Variants in MSI2 observed in about 807,000 individuals in gnomAD.
The protein encoded by MSI2 is musashi RNA binding protein 2.
Under a neutral mutation model 45.6 loss-of-function variants are expected in MSI2, and 17 were observed. That is an observed-to-expected ratio of 0.37 (90% CI 0.26 to 0.56). The LOEUF (loss-of-function observed/expected upper bound fraction) is 0.56. MSI2 is among the 20% of genes least tolerant of loss of function. The pLI is 0.77. For synonymous variants in MSI2, 156 were observed against 158.2 expected, an observed-to-expected ratio of 0.99 and a Z score of 0.11; for missense variants, 293 against 444.2, an observed-to-expected ratio of 0.66 and a Z score of 3.06.
rs905841240 is a variant in MSI2, at chr17:57,596,465, C to G, written c.455-403C>G. ...AACCACCTCCGTCTGGAGGCCGACC[C>G]GAGGGCTGGCCAGGGCTGCTCGCGG... is the stretch of plus-strand genomic sequence containing the variant. On this transcript the variant is annotated intron_variant, in intron 7 of 13. Coordinates refer to ENST00000284073, the MANE Select transcript of MSI2 (RefSeq NM_138962.4). This position sits in a 1 kb window ranked among gnomAD's most constrained non-coding sequence, Gnocchi z 4.6. Among the ~76,000 whole-genome samples, 1 of 152,202 alleles carries G rather than the reference C, an allele frequency of 6.6e-6. No individual in the cohort carries two copies.
rs1908365183 is a variant in MSI2, at chr17:57,271,486, T to C, written c.312+9294T>C. Among the ~76,000 whole-genome samples, 4 of 152,268 alleles carry C rather than the reference T, an allele frequency of 2.6e-5. No homozygotes were observed. The South Asian group carries it at 8.3e-4, about 32-fold the overall frequency. On this transcript the variant is annotated intron_variant, in intron 5 of 13. Transcript: ENST00000284073. ...CAATTATGTGACAATTTCAAGGGTT[T>C]AGAAAAATCTAATAAAATGGTCTTG...
intron 7 of MSI2, among the ~76,000 whole-genome samples, chr17:57,579,573 C>G (rs756716979): frequency 1.1e-4 from 16 of 152,238 alleles, no homozygotes; most frequent in Non-Finnish European, 2.4e-4. Context: ...CTCCAGCCCT[C>G]TTTGTCCCCA....
rs1004971752 is a variant in MSI2, at chr17:57,681,110, A to G, written c.*1593A>G. 5.4e-5 allele frequency: 10 copies of G among 186,742 alleles called. No homozygotes were observed. Among genetic ancestry groups the G allele is most frequent in the African/African-American group, 2.3e-4 (10 of 42,728 alleles). The allele number at this position is 186,742 out of a possible 1,614,324, so 11.6% of individuals were successfully genotyped here. On this transcript the variant is annotated 3_prime_UTR_variant, in exon 14 of 14. Transcript: ENST00000284073. ...AAACAGAATTTTAAAAATAAAAAGT[A>G]TAAACATCACTGCACTGTGACTGGT...
chr17:57,393,744 C>T (rs758977450), intron 5 of MSI2, among the ~76,000 whole-genome samples: 4 of 152,152 alleles, frequency 2.6e-5, no homozygotes, highest in Admixed American at 1.3e-4. Context: ...TGCAATGGCA[C>T]GATCTTGGCT....
intron 6 of MSI2, among the ~76,000 whole-genome samples, chr17:57,429,737 A>T (rs200523302): frequency 0.014 from 2 of 142 alleles, no homozygotes; most frequent in Non-Finnish European, 0.1. Context: ...TAGATAATTA[A>T]AAAAAAAAAA....
intron 6 of MSI2, among the ~76,000 whole-genome samples, chr17:57,442,800 C>A (rs531331779): frequency 6.6e-6 from 1 of 152,180 alleles, no homozygotes; most frequent in Non-Finnish European, 1.5e-5. Context: ...CCTGCCGGCA[C>A]GCTGGGGGCC....
chr17:57,333,906 C>A (rs936052337), intron 5 of MSI2, among the ~76,000 whole-genome samples: 1 of 152,174 alleles, frequency 6.6e-6, no homozygotes, highest in Non-Finnish European at 1.5e-5. Flanking sequence ...ATGTCTGGCC[C>A]AATCCATCTG....
chr17:57,566,583 T>C (rs995880936), intron 7 of MSI2, among the ~76,000 whole-genome samples: 6 of 152,094 alleles, frequency 3.9e-5, no homozygotes, highest in Admixed American at 3.3e-4. Flanking sequence ...GTAGAGGGCA[T>C]GTGCAGAGTG....
At chr17:57,269,558 T>C (rs964226290) in intron 5 of MSI2, among the ~76,000 whole-genome samples, 7 of 152,136 alleles carry the variant, frequency 4.6e-5, no homozygotes, top group Non-Finnish European at 2.9e-5. Flanking sequence ...ACCTTTGGGG[T>C]GTGTGGCTGC....
chr17:57,285,680 G>A (rs1909809182), intron 5 of MSI2, among the ~76,000 whole-genome samples: 1 of 152,218 alleles, frequency 6.6e-6, no homozygotes, highest in African/African-American at 2.4e-5. Flanking sequence ...TCTGTGGGAT[G>A]GAACTGAATG....
intron 6 of MSI2, among the ~76,000 whole-genome samples, chr17:57,494,250 A>G (rs977217341): frequency 1.4e-4 from 22 of 152,118 alleles, no homozygotes; most frequent in African/African-American, 5.1e-4. Flanking sequence ...AAAATATAGT[A>G]TCCTGATTTT....
chr17:57,601,412 G>C (rs889152818), intron 8 of MSI2: 44 of 152,372 alleles, frequency 2.9e-4, no homozygotes, highest in African/African-American at 1.1e-3. Context: ...ACCCACCAGA[G>C]AGGGGATCCT....
intron 6 of MSI2, among the ~76,000 whole-genome samples, chr17:57,493,599 C>T (rs2085918122): frequency 1.3e-5 from 2 of 150,166 alleles, no homozygotes; most frequent in Non-Finnish European, 3.0e-5. Flanking sequence ...CCCTCTGGGT[C>T]CCTCCAACTA....
chr17:57,367,718 A>G (rs1325410653), intron 5 of MSI2, among the ~76,000 whole-genome samples: 2 of 152,178 alleles, frequency 1.3e-5, no homozygotes, highest in Non-Finnish European at 2.9e-5. Flanking sequence ...CCTTTTATAA[A>G]TAAATGTCAT....
At chr17:57,262,453 T>G in intron 5 of MSI2, 1 of 408,016 alleles carries the variant, frequency 2.5e-6, no homozygotes, top group Non-Finnish European at 4.4e-6. Flanking sequence ...TCGACTGCAG[T>G]ATTTTTTGCA....
chr17:57,375,537 C>T lies in MSI2; in HGVS notation c.313-25842C>T, dbSNP rs112646190. ...CAGCATGGAAGCCATGGGATCACGG[C>T]GTGGGGAGTGGGGCTGTGAAGCCAG... On this transcript the variant is annotated intron_variant, in intron 5 of 13. Transcript: ENST00000284073. Among the ~76,000 whole-genome samples, 11 of 152,188 alleles carry T rather than the reference C, an allele frequency of 7.2e-5. 1 individual carries two copies. Among genetic ancestry groups the T allele is most frequent in the Admixed American group, 4.6e-4 (7 of 15,284 alleles).
At chr17:57,298,980 T>A (rs1163398680) in intron 5 of MSI2, among the ~76,000 whole-genome samples, 1 of 152,256 alleles carries the variant, frequency 6.6e-6, no homozygotes, top group Non-Finnish European at 1.5e-5. Flanking sequence ...CTCGGCTAGA[T>A]CTTCTGGATA....
chr17:57,416,633 G>T (rs2084299473), intron 6 of MSI2, among the ~76,000 whole-genome samples: 1 of 152,160 alleles, frequency 6.6e-6, no homozygotes, highest in Non-Finnish European at 1.5e-5. Context: ...GAGCGTCTCA[G>T]TTTGTTGTTG....
At chr17:57,361,921 G>C (rs1219439999) in intron 5 of MSI2, among the ~76,000 whole-genome samples, 3 of 152,162 alleles carry the variant, frequency 2.0e-5, no homozygotes, top group African/African-American at 7.2e-5. Context: ...GGCTTACAAA[G>C]ATAGAAAAAT....
Sources: gnomAD v4.1 joint callset for allele counts (sites outside exome capture counted in the v4.1 genomes callset) on GRCh38, gnomAD v4.1.1 for gene constraint, Gnocchi (gnomAD v3.1) non-coding constraint, MANE v1.5 for transcripts, NCBI Gene and HGNC (gene_info 2026-07-23, HGNC 2026-07-21) for gene names.